The following CHST9 variants were observed in gnomAD, a reference collection of about 807,000 sequenced individuals.
The protein encoded by CHST9 is GalNAc-4-sulfotransferase 2.
In CHST9, 41 loss-of-function variants were observed where a neutral mutation model predicts 44.4. The ratio of observed to expected loss-of-function variants is 0.92; its 90% CI spans 0.72 to 1.20. The LOEUF is 1.20. CHST9 is among the 50% of genes most tolerant of loss of function. The pLI is 0.00. For missense variants in CHST9, 504 were observed against 516.5 expected, an observed-to-expected ratio of 0.98 and a Z score of 0.23; for synonymous variants, 171 against 178.4, an observed-to-expected ratio of 0.96 and a Z score of 0.33.
intron 4 of CHST9, among the ~76,000 whole-genome samples, chr18:26,959,111 A>G (rs2056367178): frequency 1.3e-5 from 2 of 152,222 alleles, no homozygotes; most frequent in African/African-American, 4.8e-5. Context: ...TGTGGTACAT[A>G]TACACCATGG....
intron 1 of CHST9, among the ~76,000 whole-genome samples, chr18:27,153,247 T>C (rs918842512): frequency 6.6e-6 from 1 of 152,172 alleles, no homozygotes; most frequent in African/African-American, 2.4e-5. Context: ...AATGACCACT[T>C]ATATTAGTTT....
intron 3 of CHST9, among the ~76,000 whole-genome samples, chr18:27,029,398 AC>A (rs1395523559): frequency 1.3e-5 from 2 of 152,158 alleles, no homozygotes; most frequent in African/African-American, 4.8e-5. Context: ...TCTCCAGCAA[AC>A]AGTAACAACA....
chr18:27,043,919 A>G (rs2057471670), intron 3 of CHST9, among the ~76,000 whole-genome samples: 1 of 152,030 alleles, frequency 6.6e-6, no homozygotes, highest in Admixed American at 6.6e-5. Context: ...TTCCAGGCTT[A>G]TTAAATCACT....
intron 1 of CHST9, among the ~76,000 whole-genome samples, chr18:27,158,882 T>C (rs2143920662): frequency 6.6e-6 from 1 of 152,384 alleles, no homozygotes; most frequent in South Asian, 2.1e-4. Flanking sequence ...TTCATGTGTC[T>C]TTTGGCTGCA....
At chr18:26,983,539 G>A (rs1476794452) in intron 4 of CHST9, among the ~76,000 whole-genome samples, 2 of 152,122 alleles carry the variant, frequency 1.3e-5, no homozygotes, top group African/African-American at 2.4e-5. Context: ...CCCAGAAGCC[G>A]AGCAGATGCC....
intron 3 of CHST9, among the ~76,000 whole-genome samples, chr18:27,042,187 C>G (rs138565324): frequency 1.5e-4 from 23 of 152,180 alleles, no homozygotes; most frequent in Non-Finnish European, 2.4e-4. Flanking sequence ...CTTTTTTCAG[C>G]AATTCCTTGG....
intron 2 of CHST9, among the ~76,000 whole-genome samples, chr18:27,055,725 T>C (rs2057646994): frequency 6.6e-6 from 1 of 152,230 alleles, no homozygotes; most frequent in Non-Finnish European, 1.5e-5. Context: ...TGAGAGAATA[T>C]GGATACATAA....
intron 2 of CHST9, among the ~76,000 whole-genome samples, chr18:27,074,947 A>G (rs1340106978): frequency 6.7e-6 from 1 of 149,078 alleles, no homozygotes; most frequent in Non-Finnish European, 1.5e-5. Flanking sequence ...TAACATCTAT[A>G]GTATATAGTC....
At chr18:27,108,985 C>G (rs144987913) in intron 2 of CHST9, among the ~76,000 whole-genome samples, 1 of 152,146 alleles carries the variant, frequency 6.6e-6, no homozygotes, top group Non-Finnish European at 1.5e-5. Flanking sequence ...GTCCTTACTA[C>G]GCAGAACTGC....
At chr18:27,183,648 A>G (rs2058931244) in intron 1 of CHST9, among the ~76,000 whole-genome samples, 1 of 152,192 alleles carries the variant, frequency 6.6e-6, no homozygotes, top group African/African-American at 2.4e-5. Flanking sequence ...AGAGGATTTT[A>G]ATTTTTCCTC....
intron 2 of CHST9, among the ~76,000 whole-genome samples, chr18:27,122,745 G>A (rs566253984): frequency 2.0e-5 from 3 of 152,250 alleles, no homozygotes; most frequent in Non-Finnish European, 2.9e-5. Flanking sequence ...TTTATTGAAC[G>A]ATCTGTTACT....
intron 4 of CHST9, among the ~76,000 whole-genome samples, chr18:26,960,504 A>T (rs1285495087): frequency 2.0e-5 from 3 of 152,240 alleles, no homozygotes; most frequent in Non-Finnish European, 4.4e-5. Flanking sequence ...GAAGAAAATT[A>T]GGCTGATTTC....
At chr18:26,939,022 G>A (rs1358607572) in intron 5 of CHST9, among the ~76,000 whole-genome samples, 5 of 152,182 alleles carry the variant, frequency 3.3e-5, no homozygotes, top group Admixed American at 1.3e-4. Flanking sequence ...GCAGTTGATC[G>A]AGTTCTTATG....
intron 4 of CHST9, among the ~76,000 whole-genome samples, chr18:26,961,303 T>G (rs1028647620): frequency 6.6e-6 from 1 of 152,244 alleles, no homozygotes; most frequent in African/African-American, 2.4e-5. Flanking sequence ...ATAACTAATA[T>G]GTTTTTTAAA....
intron 1 of CHST9, among the ~76,000 whole-genome samples, chr18:27,175,556 T>C (rs1567950125): frequency 1.3e-5 from 2 of 152,058 alleles, no homozygotes; most frequent in Non-Finnish European, 2.9e-5. Flanking sequence ...AGGAGTATGA[T>C]ATTTGGAGAG....
chr18:26,981,453 A>G (rs903143983), intron 4 of CHST9, among the ~76,000 whole-genome samples: 1 of 152,216 alleles, frequency 6.6e-6, no homozygotes, highest in African/African-American at 2.4e-5. Context: ...GCTAAGTGGC[A>G]TATTCAGAAC....
intron 5 of CHST9, among the ~76,000 whole-genome samples, chr18:26,925,025 A>C (rs1190933182): frequency 6.6e-6 from 1 of 152,154 alleles, no homozygotes; most frequent in African/African-American, 2.4e-5. Flanking sequence ...CCCTGATCTT[A>C]CGGAGCATCC....
At chr18:27,071,812 T>TG (rs35627294) in intron 2 of CHST9, among the ~76,000 whole-genome samples, 29 of 152,094 alleles carry the variant, frequency 1.9e-4, no homozygotes, top group African/African-American at 5.6e-4. Flanking sequence ...CAAAGGGCCT[T>TG]GGGGGGGATC....
At chr18:27,049,027 T>C (rs1321413819) in intron 2 of CHST9, among the ~76,000 whole-genome samples, 1 of 152,024 alleles carries the variant, frequency 6.6e-6, no homozygotes, top group African/African-American at 2.4e-5. Flanking sequence ...TTTGAGAAAT[T>C]TGAAATAGAG....
Sources: allele counts gnomAD v4.1 joint callset (sites outside exome capture counted in the v4.1 genomes callset), GRCh38; gene constraint gnomAD v4.1.1; transcripts MANE v1.5; gene names NCBI Gene and HGNC (gene_info 2026-07-23, HGNC 2026-07-21).